Variants in FAM135A observed in about 807,000 individuals in gnomAD.
FAM135A encodes the protein protein FAM135A.
Under a neutral mutation model 146.8 loss-of-function variants are expected in FAM135A, and 79 were observed. That is an observed-to-expected ratio of 0.54 (90% CI 0.45 to 0.65). FAM135A has a LOEUF of 0.65. Ranked by LOEUF, FAM135A falls within the 30% of genes least tolerant of loss-of-function variation. FAM135A has a pLI of 0.00. For synonymous variants in FAM135A, 562 were observed against 603.6 expected (o/e 0.93, Z 1.01); for missense variants, 1,623 against 1,758.2 (o/e 0.92, Z 1.38).
chr6:70,530,848 A>T (rs1348005298), intron 16 of FAM135A, among the ~76,000 whole-genome samples: 1 of 152,244 alleles, frequency 6.6e-6, no homozygotes, highest in Non-Finnish European at 1.5e-5. Flanking sequence ...TGTCTAGTTC[A>T]AGACACTTTT....
chr6:70,528,178 G>A (rs1795096124), intron 15 of FAM135A, 114 bp from the exon 16 acceptor site: 1 of 931,558 alleles, frequency 1.1e-6, no homozygotes, highest in Non-Finnish European at 1.5e-6. Context: ...ATATTTTCAT[G>A]GTTTTAAAAC....
Position 70,475,642 on chromosome 6 carries a change from CAT to C in FAM135A, c.298-19_298-18del. On this transcript the variant is annotated intron_variant, in intron 6 of 21. Transcript: ENST00000418814. ...TTCTATAAAATTTCAAAAAGTATCT[CAT>C]AGTGTAATTTCTTTTCAGATTGAAG... is the stretch of plus-strand genomic sequence containing the variant. 6.2e-7 allele frequency: 1 copy of C among 1,600,260 alleles called. No homozygotes were observed. Among genetic ancestry groups the C allele is most frequent in the East Asian group, 2.2e-5 (1 of 44,612 alleles).
intron 4 of FAM135A, among the ~76,000 whole-genome samples, chr6:70,432,179 C>T (rs944891036): frequency 6.6e-6 from 1 of 152,028 alleles, no homozygotes; most frequent in Admixed American, 6.5e-5. Flanking sequence ...AGCCACTAAC[C>T]TCAGTATTTT....
intron 10 of FAM135A, among the ~76,000 whole-genome samples, chr6:70,487,979 G>A (rs530654429): frequency 7.9e-5 from 12 of 152,170 alleles, no homozygotes; most frequent in South Asian, 4.1e-4. Context: ...TTGTATTGCC[G>A]TTGTCTGAGC....
Position 70,538,310 on chromosome 6 carries a change from A to G in FAM135A, c.4137A>G (p.Lys1379=). The G allele has an allele frequency of 1.3e-6, 2 of 1,516,790 alleles. No homozygotes were observed. Among genetic ancestry groups the G allele is most frequent in the Non-Finnish European group, 1.8e-6 (2 of 1,125,862 alleles). The allele number at this position is 1,516,790 out of a possible 1,614,324, so 94.0% of individuals were successfully genotyped here. A position where few individuals can be genotyped will look rare whatever the true frequency, so the allele number is the denominator to read the frequency against. The stretch of plus-strand genomic sequence containing the variant: ...CTCTAGGTCTCTGGTTTATGCAGAA[A>G]TGGAAAAAATCAGGTTCGCTTTTGC... The part of the protein sequence containing the change: ...LVNTGLWFMQ[K]WKKSGSLLQL... Residue 1379 remains lysine (K), a synonymous_variant, in exon 20 of 22, where the codon AAA becomes AAG. Coordinates refer to ENST00000418814, the MANE Select transcript of FAM135A (RefSeq NM_001162529.3).
chr6:70,459,900 G>T (rs566857951), intron 5 of FAM135A, among the ~76,000 whole-genome samples: 1 of 152,038 alleles, frequency 6.6e-6, no homozygotes, highest in African/African-American at 2.4e-5. Context: ...GCGTGGTGGC[G>T]GGTGCCTGTA....
At chr6:70,478,294 A>G (rs1783005778) in intron 8 of FAM135A, among the ~76,000 whole-genome samples, 2 of 152,154 alleles carry the variant, frequency 1.3e-5, no homozygotes, top group African/African-American at 4.8e-5. Context: ...CAAGGTCTTC[A>G]GTTTTTACAA....
chr6:70,435,105 ATATATTT>A (rs1270138532), intron 4 of FAM135A, among the ~76,000 whole-genome samples: 8 of 84,884 alleles, frequency 9.4e-5, no homozygotes, highest in South Asian at 6.0e-4. Context: ...ATATATATAT[ATATATTT>A]TTTTTTTTTT....
At chr6:70,495,785 CT>C (rs1327363659) in intron 11 of FAM135A, among the ~76,000 whole-genome samples, 2 of 152,162 alleles carry the variant, frequency 1.3e-5, no homozygotes, top group African/African-American at 4.8e-5. Flanking sequence ...TATCCTTCCC[CT>C]AGCCCCTCAC....
intron 2 of FAM135A, among the ~76,000 whole-genome samples, chr6:70,422,864 C>T (rs1374422820): frequency 6.6e-6 from 1 of 152,086 alleles, no homozygotes; most frequent in African/African-American, 2.4e-5. Flanking sequence ...GAATGTCCTG[C>T]CTTCGTGGAA....
rs368921255 is a variant in FAM135A at position 70,525,972 on chromosome 6, C to G, written c.2888C>G (p.Thr963Arg). The G allele has an allele frequency of 3.7e-5, 60 of 1,613,076 alleles. No homozygotes were observed. Among genetic ancestry groups the G allele is most frequent in the Non-Finnish European group, 4.7e-5 (56 of 1,179,604 alleles). The stretch of plus-strand genomic sequence containing the variant: ...GATAAATCTAATAACTCTACAGGGA[C>G]AGCAATTACATTAAATTCAAAACTG... ...SPDKSNNSTG[T>R]AITLNSKLIC... Residue 963 changes from threonine to arginine, a missense_variant, in exon 15 of 22, where the codon ACA (threonine) becomes AGA (arginine). Around this residue, in one of 7 missense-constraint regions of FAM135A, gnomAD observed 1,061 missense variants for 1,113.8 expected, o/e 0.95. Coordinates refer to ENST00000418814, the MANE Select transcript of FAM135A (RefSeq NM_001162529.3).
intron 5 of FAM135A, among the ~76,000 whole-genome samples, chr6:70,471,537 A>G (rs1335352858): frequency 1.3e-5 from 2 of 151,930 alleles, no homozygotes; most frequent in African/African-American, 4.8e-5. Flanking sequence ...CATCCGGGGG[A>G]ATGACACACC....
Position 70,525,746 on chromosome 6 carries a change from T to C in FAM135A, c.2662T>C (p.Ser888Pro). The C allele has an allele frequency of 1.2e-6, 2 of 1,613,364 alleles. No individual in the cohort carries two copies. The highest frequency in any genetic ancestry group is 1.6e-4 in the Middle Eastern group (1 of 6,062). ...DLPKCDDTKK[S>P]SITLQQQSVV... Reference sequence around the variant, plus strand: ...GCCAAAATGTGATGATACTAAAAAGTCAAGTATCACTTTGCAACAGCAGAG... The same window carrying C: ...GCCAAAATGTGATGATACTAAAAAGCCAAGTATCACTTTGCAACAGCAGAG... Residue 888 changes from serine (S) to proline (P), a missense_variant, in exon 15 of 22, where the codon TCA becomes CCA. Ser to Pro is a moderately conservative substitution (Grantham distance 74, BLOSUM62 -1). This residue lies in a region of FAM135A where 1,061 missense variants were observed against 1,113.8 expected (regional missense o/e 0.95). Coordinates refer to ENST00000418814, the MANE Select transcript of FAM135A (RefSeq NM_001162529.3).
rs577087211 is a variant in FAM135A, at chr6:70,427,940, A to G, written c.-39-364A>G. Among the ~76,000 whole-genome samples, 6 of 152,324 alleles carry G rather than the reference A, an allele frequency of 3.9e-5. No individual in the cohort carries two copies. The East Asian group carries it at 7.7e-4, about 20-fold the overall frequency. On this transcript the variant is annotated intron_variant, in intron 3 of 21. Transcript: ENST00000418814. Reference sequence around the variant, plus strand: ...GACTCTGGAGTTACTTACATGTGCAATGTAGCACAAGAAGAGAATATTAGA... The same window carrying G: ...GACTCTGGAGTTACTTACATGTGCAGTGTAGCACAAGAAGAGAATATTAGA...
At chr6:70,529,266 A>C (rs976114047) in intron 16 of FAM135A, among the ~76,000 whole-genome samples, 7 of 151,978 alleles carry the variant, frequency 4.6e-5, no homozygotes, top group Non-Finnish European at 1.0e-4. Context: ...TTGGTTACTC[A>C]ACAGTTTTTT....
chr6:70,469,454 A>G (rs139058490), intron 5 of FAM135A, among the ~76,000 whole-genome samples: 9 of 152,342 alleles, frequency 5.9e-5, no homozygotes, highest in South Asian at 2.1e-4. Flanking sequence ...CTGATTTTGT[A>G]TACAACTTCT....
At chr6:70,548,760 T>C (rs975076893) in intron 20 of FAM135A, among the ~76,000 whole-genome samples, 1 of 152,170 alleles carries the variant, frequency 6.6e-6, no homozygotes, top group African/African-American at 2.4e-5. Flanking sequence ...GATCATGTAA[T>C]CTGGCAAATA....
At position 70,549,305 on chromosome 6, in the gene FAM135A, G is replaced by A. The variant is rs528247103; in HGVS notation, c.4229-7445G>A. On this transcript the variant is annotated intron_variant, in intron 20 of 21. Transcript: ENST00000418814. The stretch of plus-strand genomic sequence containing the variant: ...TTAATCCTGGTAATTCCATGTAGTA[G>A]TTAAAAGAATGAGATAAATTTATTT... Among the ~76,000 whole-genome samples, 24 of 152,170 alleles carry A rather than the reference G, an allele frequency of 1.6e-4. No individual in the cohort carries two copies. In the East Asian group the frequency reaches 4.4e-3, roughly 28 times the overall value.
chr6:70,492,140 G>C (rs957270068), intron 11 of FAM135A, among the ~76,000 whole-genome samples: 4 of 151,704 alleles, frequency 2.6e-5, no homozygotes, highest in Admixed American at 2.6e-4. Flanking sequence ...TAAAATATAT[G>C]TAAAATAATA....
Sources: allele counts gnomAD v4.1 joint callset (sites outside exome capture counted in the v4.1 genomes callset), GRCh38; gene constraint gnomAD v4.1.1; regional missense constraint gnomAD v4.1.1; transcripts MANE v1.5; gene names NCBI Gene and HGNC (gene_info 2026-07-23, HGNC 2026-07-21).